The following AUTS2 variants were observed in gnomAD, a reference collection of about 807,000 sequenced individuals.
The protein encoded by AUTS2 is autism susceptibility gene 2 protein.
In AUTS2, 17 loss-of-function variants were observed where a neutral mutation model predicts 112.4. That is an observed-to-expected ratio of 0.15 (90% CI 0.10 to 0.23). The LOEUF is 0.23. AUTS2 is among the 10% of genes least tolerant of loss of function. The pLI is 1.00. For synonymous variants in AUTS2, 751 were observed against 702.7 expected, an observed-to-expected ratio of 1.07 and a Z score of -1.09; for missense variants, 1,510 against 1,701.6, an observed-to-expected ratio of 0.89 and a Z score of 1.98.
chr7:69,792,416 T>C (rs1283469447), intron 1 of AUTS2, among the ~76,000 whole-genome samples: 1 of 152,116 alleles, frequency 6.6e-6, no homozygotes, highest in East Asian at 1.9e-4. Flanking sequence ...ATTTTTTGTA[T>C]TTTTAGTAGA....
intron 5 of AUTS2, among the ~76,000 whole-genome samples, chr7:70,479,460 G>A (rs891587082): frequency 1.3e-5 from 2 of 152,102 alleles, no homozygotes; most frequent in African/African-American, 4.8e-5. Context: ...TCCTACACTT[G>A]CCACTTCCCC....
chr7:69,899,239 A>G, intron 1 of AUTS2, 47 bp from the exon 2 acceptor site: 1 of 1,449,666 alleles, frequency 6.9e-7, no homozygotes, highest in African/African-American at 1.4e-5. Flanking sequence ...GTGACCCTAG[A>G]TACCTTTGTA....
chr7:69,960,761 G>A (rs566211729), intron 2 of AUTS2, among the ~76,000 whole-genome samples: 398 of 152,128 alleles, frequency 2.6e-3, no homozygotes, highest in Non-Finnish European at 4.4e-3. Flanking sequence ...CTGGAATGTC[G>A]TGTCCCTTTC....
chr7:70,324,807 T>C (rs1366286122), intron 4 of AUTS2, among the ~76,000 whole-genome samples: 1 of 152,266 alleles, frequency 6.6e-6, no homozygotes, highest in East Asian at 1.9e-4. Context: ...CACCTTGCCA[T>C]GTGGCGGGAC....
chr7:70,268,067 G>A (rs983842357), intron 4 of AUTS2, among the ~76,000 whole-genome samples: 12 of 152,166 alleles, frequency 7.9e-5, no homozygotes, highest in Admixed American at 5.2e-4. Context: ...CTCGTTAGAG[G>A]CATCTATTGC....
chr7:69,996,854 A>T (rs1461800893), intron 2 of AUTS2, among the ~76,000 whole-genome samples: 2 of 150,994 alleles, frequency 1.3e-5, no homozygotes, highest in East Asian at 3.9e-4. Context: ...TACACATTTT[A>T]TAACCCACTC....
intron 2 of AUTS2, among the ~76,000 whole-genome samples, chr7:69,933,028 A>G (rs1405703919): frequency 2.0e-5 from 3 of 152,076 alleles, no homozygotes; most frequent in Admixed American, 1.3e-4. Context: ...AAATGCAGGT[A>G]TTTTTCTGTT....
intron 2 of AUTS2, among the ~76,000 whole-genome samples, chr7:69,902,118 T>G (rs550779926): frequency 1.3e-5 from 2 of 152,272 alleles, no homozygotes; most frequent in African/African-American, 4.8e-5. Context: ...TGAAGACATT[T>G]AAAGGAGAAG....
intron 4 of AUTS2, among the ~76,000 whole-genome samples, chr7:70,399,840 G>C (rs1794250342): frequency 6.6e-6 from 1 of 152,204 alleles, no homozygotes; most frequent in Non-Finnish European, 1.5e-5. Flanking sequence ...GCCCAGTGGA[G>C]GAGAGCAGAA....
chr7:70,038,060 A>C (rs977864043), intron 2 of AUTS2, among the ~76,000 whole-genome samples: 1 of 149,828 alleles, frequency 6.7e-6, no homozygotes, highest in Admixed American at 6.7e-5. Context: ...CAGTGGGTAG[A>C]GAAGGATATG....
At chr7:69,983,514 C>T (rs929986657) in intron 2 of AUTS2, among the ~76,000 whole-genome samples, 1 of 148,906 alleles carries the variant, frequency 6.7e-6, no homozygotes, top group East Asian at 2.0e-4. Context: ...TCGCTTTGTA[C>T]TGTGTGTGTG....
At chr7:70,676,407 G>A (rs923461336) in intron 5 of AUTS2, among the ~76,000 whole-genome samples, 2 of 152,068 alleles carry the variant, frequency 1.3e-5, no homozygotes, top group Non-Finnish European at 2.9e-5. Context: ...ACTCCAGTCT[G>A]GGCGACAGAG....
intron 1 of AUTS2, among the ~76,000 whole-genome samples, chr7:69,885,296 TA>T (rs1794225623): frequency 6.6e-6 from 1 of 152,204 alleles, no homozygotes; most frequent in Non-Finnish European, 1.5e-5. Context: ...CTTATTTTTT[TA>T]AGGTCAGAAA....
At chr7:70,536,146 G>T (rs1369724930) in intron 5 of AUTS2, among the ~76,000 whole-genome samples, 1 of 152,134 alleles carries the variant, frequency 6.6e-6, no homozygotes, top group Non-Finnish European at 1.5e-5. Flanking sequence ...TGGCCAACAT[G>T]GCGAAACCCT....
At chr7:69,970,749 A>G (rs559088881) in intron 2 of AUTS2, among the ~76,000 whole-genome samples, 1 of 152,276 alleles carries the variant, frequency 6.6e-6, no homozygotes, top group South Asian at 2.1e-4. Context: ...GACCTTGTAT[A>G]TACATAATAC....
intron 5 of AUTS2, among the ~76,000 whole-genome samples, chr7:70,628,355 GTA>G (rs889180509): frequency 4.1e-3 from 26 of 6,354 alleles, no homozygotes; most frequent in Admixed American, 0.015. Context: ...ATATATATAT[GTA>G]TATATATATA....
At chr7:70,408,188 A>G (rs1794624765) in intron 4 of AUTS2, among the ~76,000 whole-genome samples, 1 of 152,084 alleles carries the variant, frequency 6.6e-6, no homozygotes, top group Non-Finnish European at 1.5e-5. Flanking sequence ...GGAAAAAAAA[A>G]AAAAAGAATA....
intron 4 of AUTS2, among the ~76,000 whole-genome samples, chr7:70,206,332 G>A (rs551423288): frequency 2.0e-5 from 3 of 152,208 alleles, no homozygotes; most frequent in Admixed American, 6.5e-5. Flanking sequence ...CTAGAGATAC[G>A]TGGAGACATG....
At chr7:70,462,707 A>T (rs1797014714) in intron 5 of AUTS2, among the ~76,000 whole-genome samples, 1 of 152,158 alleles carries the variant, frequency 6.6e-6, no homozygotes, top group South Asian at 2.1e-4. Context: ...CTGTAATCCC[A>T]GCACTGTGAG....
Sources: gnomAD v4.1 joint callset for allele counts (sites outside exome capture counted in the v4.1 genomes callset) on GRCh38, gnomAD v4.1.1 for gene constraint, MANE v1.5 for transcripts, NCBI Gene and HGNC (gene_info 2026-07-23, HGNC 2026-07-21) for gene names.